The following ZNF536 variants were observed in gnomAD, a reference collection of about 807,000 sequenced individuals.
The protein encoded by ZNF536 is zinc finger protein 536.
Under a neutral mutation model 84.5 loss-of-function variants are expected in ZNF536, and 13 were observed. The ratio of observed to expected loss-of-function variants is 0.15; its 90% confidence interval spans 0.10 to 0.24. ZNF536 has a LOEUF of 0.24. Ranked by LOEUF, ZNF536 falls within the 10% of genes least tolerant of loss-of-function variation. The pLI is 1.00. For missense variants in ZNF536, 1,536 were observed against 1,747.5 expected (o/e 0.88, Z 2.16); for synonymous variants, 811 against 742.5 (o/e 1.09, Z -1.50).
intron 2 of ZNF536, among the ~76,000 whole-genome samples, chr19:30,494,244 C>T (rs1021779589): frequency 2.0e-5 from 3 of 152,168 alleles, no homozygotes; most frequent in African/African-American, 7.2e-5. Flanking sequence ...GGACCGTAGG[C>T]CCCTGGGATG....
chr19:30,573,087 G>A (rs750834695), intron 1 of ZNF536, among the ~76,000 whole-genome samples: 2 of 152,148 alleles, frequency 1.3e-5, no homozygotes, highest in Non-Finnish European at 2.9e-5. Context: ...ACCCTCAGAT[G>A]AGAGAGGAAC....
chr19:30,532,297 G>C (rs1465427228), intron 2 of ZNF536, among the ~76,000 whole-genome samples: 1 of 151,884 alleles, frequency 6.6e-6, no homozygotes, highest in Non-Finnish European at 1.5e-5. Flanking sequence ...CACCTGGCTA[G>C]TTTTTGTATT....
At chr19:30,300,929 T>A (rs2046161174) in intron 2 of ZNF536, among the ~76,000 whole-genome samples, 1 of 152,196 alleles carries the variant, frequency 6.6e-6, no homozygotes, top group African/African-American at 2.4e-5. Flanking sequence ...TGGTCAAATC[T>A]CTTAGCTTCC....
chr19:30,602,257 C>A (rs1303440946), intron 1 of ZNF536, among the ~76,000 whole-genome samples: 3 of 152,206 alleles, frequency 2.0e-5, no homozygotes, highest in Non-Finnish European at 2.9e-5. Context: ...GTATCCACAT[C>A]CTCATTGGAT....
chr19:30,561,233 GC>G (rs2046153253), downstream of ZNF536, among the ~76,000 whole-genome samples: 1 of 152,200 alleles, frequency 6.6e-6, no homozygotes, highest in African/African-American at 2.4e-5. Context: ...TGGACAAGTT[GC>G]TTTTTTCTTG....
chr19:30,354,310 G>A (rs1025644183), intron 3 of ZNF536, among the ~76,000 whole-genome samples: 26 of 152,038 alleles, frequency 1.7e-4, no homozygotes, highest in African/African-American at 6.3e-4. Context: ...CTGTAGAATA[G>A]ACAGTAGCTC....
chr19:30,493,900 G>A (rs2054610889), intron 2 of ZNF536, among the ~76,000 whole-genome samples: 1 of 152,102 alleles, frequency 6.6e-6, no homozygotes, highest in Non-Finnish European at 1.5e-5. Flanking sequence ...CTCCTCATAC[G>A]TGGAGTGTTT....
intron 1 of ZNF536, among the ~76,000 whole-genome samples, chr19:30,441,129 C>T (rs1048846488): frequency 1.3e-5 from 2 of 152,196 alleles, no homozygotes; most frequent in African/African-American, 4.8e-5. Flanking sequence ...CCTTCTTTCC[C>T]TCCTGCTGAA....
At chr19:30,363,311 G>A (rs1383510951) in intron 3 of ZNF536, among the ~76,000 whole-genome samples, 4 of 152,108 alleles carry the variant, frequency 2.6e-5, no homozygotes, top group Admixed American at 6.5e-5. Flanking sequence ...GATGACCCTC[G>A]GTGGCACTGC....
At chr19:30,330,175 A>G (rs1412885606) in intron 2 of ZNF536, among the ~76,000 whole-genome samples, 5 of 152,182 alleles carry the variant, frequency 3.3e-5, no homozygotes, top group African/African-American at 9.6e-5. Flanking sequence ...TACTTTATTC[A>G]TCAGAAAGCT....
chr19:30,695,224 C>T (rs1184738666), intron 1 of ZNF536, among the ~76,000 whole-genome samples: 1 of 152,026 alleles, frequency 6.6e-6, no homozygotes, highest in Non-Finnish European at 1.5e-5. Flanking sequence ...GGAGGTGTGG[C>T]CTGCACGGAG....
chr19:30,656,833 G>A (rs761664319), intron 1 of ZNF536, among the ~76,000 whole-genome samples: 23 of 152,200 alleles, frequency 1.5e-4, no homozygotes, highest in Non-Finnish European at 2.9e-4. Context: ...TGCTCTGCAC[G>A]GGGTCAGTCT....
At chr19:30,233,523 T>G (rs919375588) in intron 1 of ZNF536, among the ~76,000 whole-genome samples, 2 of 151,896 alleles carry the variant, frequency 1.3e-5, no homozygotes, top group Non-Finnish European at 1.5e-5. Flanking sequence ...TAACATTTTT[T>G]TTTTTTTAGA....
At chr19:30,233,630 G>A (rs73021622) in intron 1 of ZNF536, among the ~76,000 whole-genome samples, 20,312 of 152,060 alleles carry the variant, frequency 0.13, 1,390 homozygotes, top group Middle Eastern at 0.22. Context: ...TTACAGGCAT[G>A]AGGCAGTGCA....
chr19:30,405,214 G>T (rs577745933), intron 1 of ZNF536, among the ~76,000 whole-genome samples: 58 of 152,238 alleles, frequency 3.8e-4, no homozygotes, highest in Non-Finnish European at 4.3e-4. Context: ...CTTTGGGGAG[G>T]GTCTTAAGAC....
intron 1 of ZNF536, among the ~76,000 whole-genome samples, chr19:30,257,491 T>G (rs1012616465): frequency 2.6e-5 from 4 of 152,238 alleles, no homozygotes; most frequent in Non-Finnish European, 5.9e-5. Context: ...TATTTAAGTT[T>G]TAGCTTAATA....
At position 30,398,392 on chromosome 19, in the gene ZNF536, T is replaced by TTC. The variant is rs1171893518; in HGVS notation, c.-3+25837_-3+25838insCT. Among the ~76,000 whole-genome samples, 10 of 151,708 alleles carry TTC rather than the reference T, an allele frequency of 6.6e-5. 1 individual carries two copies. Among genetic ancestry groups the TTC allele is most frequent in the South Asian group, 2.1e-4 (1 of 4,796 alleles). On this transcript the variant is annotated intron_variant, in intron 1 of 4. Coordinates refer to ENST00000355537, the MANE Select transcript of ZNF536 (RefSeq NM_014717.3). Reference sequence around the variant, plus strand: ...TGGCATTGGCTTTTTCTTTTTCTTTTTTTTTTTTAAATTATAGTTTAAGTT... The same window carrying TTC: ...TGGCATTGGCTTTTTCTTTTTCTTTTTCTTTTTTTTAAATTATAGTTTAAGTT...
At chr19:30,460,471 A>G (rs3786813) in intron 2 of ZNF536, among the ~76,000 whole-genome samples, 35,899 of 151,974 alleles carry the variant, frequency 0.24, 4,275 homozygotes, top group South Asian at 0.26. Flanking sequence ...GAGTCTGCAC[A>G]TGGTGACGAG....
chr19:30,352,031 G>C (rs573288866), intron 2 of ZNF536, among the ~76,000 whole-genome samples: 1 of 152,186 alleles, frequency 6.6e-6, no homozygotes, highest in African/African-American at 2.4e-5. Flanking sequence ...ATTAAAAGCT[G>C]CTTCTCCTCT....
Sources: gnomAD v4.1 joint callset for allele counts (sites outside exome capture counted in the v4.1 genomes callset) on GRCh38, gnomAD v4.1.1 for gene constraint, MANE v1.5 for transcripts, NCBI Gene and HGNC (gene_info 2026-07-23, HGNC 2026-07-21) for gene names.